The following MYL12B variants were observed in gnomAD, a reference collection of about 807,000 sequenced individuals.
The protein encoded by MYL12B is myosin light chain 12B, also known as myosin regulatory light chain 12B.
A neutral mutation model predicts 12.9 loss-of-function variants in MYL12B; 3 were observed. The ratio of observed to expected loss-of-function variants is 0.23; its 90% CI spans 0.11 to 0.60. The LOEUF (loss-of-function observed/expected upper bound fraction) is 0.60, where lower values mean the gene tolerates loss of function less well. Ranked by LOEUF, MYL12B falls within the 20% of genes least tolerant of loss-of-function variation. MYL12B has a pLI of 0.89. For synonymous variants in MYL12B, 57 were observed against 71.9 expected, an observed-to-expected ratio of 0.79 and a Z score of 1.05; for missense variants, 120 against 215.4, an observed-to-expected ratio of 0.56 and a Z score of 2.77.
Position 3,277,384 on chromosome 18 carries a change from G to T in MYL12B, c.316G>T (p.Ala106Ser), listed in dbSNP as rs1325723338. Reference protein sequence around the residue: ...GTDPEDVIRNAFACFDEEATG... With the variant: ...GTDPEDVIRNSFACFDEEATG... ...AGATCCTGAAGATGTCATCAGAAAC[G>T]CCTTTGCTTGCTTTGATGAAGAAGC... The change falls in exon 3 of 4, where the codon GCC (alanine) becomes TCC (serine). Residue 106 changes from alanine (A) to serine (S), a missense_variant. Physicochemically the swap from Ala to Ser is moderately conservative, Grantham distance 99 (BLOSUM62 1). Coordinates refer to ENST00000237500, the MANE Select transcript of MYL12B (RefSeq NM_033546.4). The T allele has an allele frequency of 6.2e-7, 1 of 1,614,012 alleles. No homozygotes were observed.
chr18:3,272,219 A>G (rs2081685006), intron 1 of MYL12B: 1 of 948,222 alleles, frequency 1.1e-6, no homozygotes, highest in East Asian at 1.2e-4. Flanking sequence ...AGTTCTTTGC[A>G]TTGAAGTAGA....
At chr18:3,271,066 A>G (rs1406023160) in intron 1 of MYL12B, among the ~76,000 whole-genome samples, 1 of 152,230 alleles carries the variant, frequency 6.6e-6, no homozygotes, top group Non-Finnish European at 1.5e-5. Flanking sequence ...GAGAGAACTA[A>G]TAATTTTTGC....
chr18:3,277,011 G>A, intron 2 of MYL12B: 2 of 981,812 alleles, frequency 2.0e-6, no homozygotes, highest in Non-Finnish European at 2.4e-6. Flanking sequence ...ATAATGAACA[G>A]AAAGTTCACA....
Position 3,262,196 on chromosome 18 carries a change from G to A in MYL12B, c.-57G>A, listed in dbSNP as rs1244697235. On this transcript the variant is annotated 5_prime_UTR_variant, in exon 1 of 4. Transcript: ENST00000237500. ...CCTAACGCTCTTCGCTGTCGTTTGT[G>A]GTCTCGCGCAGGGCGGCCCCGGTTC... The A allele has an allele frequency of 6.6e-6, 1 of 152,182 alleles. No homozygotes were observed. Among genetic ancestry groups the A allele is most frequent in the African/African-American group, 2.4e-5 (1 of 41,456 alleles). The allele number at this position is 152,182 out of a possible 1,614,324, so 9.4% of individuals were successfully genotyped here.
intron 1 of MYL12B, among the ~76,000 whole-genome samples, chr18:3,267,810 T>C (rs1630702): frequency 0.58 from 87,681 of 151,994 alleles, 28,401 homozygotes; most frequent in Non-Finnish European, 0.72. Context: ...CTGCAGAGGG[T>C]TGGTTCCAGG....
rs200286627 is a variant in MYL12B, at chr18:3,269,302, CGA to C, written c.-15-3578_-15-3577del. Among the ~76,000 whole-genome samples, 789 of 152,096 alleles carry C rather than the reference CGA, an allele frequency of 5.2e-3. 4 individuals carry two copies. The highest frequency in any genetic ancestry group is 7.1e-3 in the Non-Finnish European group (483 of 67,994). ...AAACTAAGGGTAGTTTTGAGAGAGCCGAGAGGCAAGGGGATAGTGAAGAGGCC... is the reference window on the plus strand; with the variant it reads ...AAACTAAGGGTAGTTTTGAGAGAGCCGAGGCAAGGGGATAGTGAAGAGGCC... On this transcript the variant is annotated intron_variant, in intron 1 of 3. Coordinates refer to ENST00000237500, the MANE Select transcript of MYL12B (RefSeq NM_033546.4).
At chr18:3,273,424 G>T (rs1035084244) in intron 2 of MYL12B, among the ~76,000 whole-genome samples, 10 of 152,162 alleles carry the variant, frequency 6.6e-5, no homozygotes, top group Non-Finnish European at 1.0e-4. Context: ...TTGAGTACAG[G>T]TTATAAACAA....
intron 1 of MYL12B, among the ~76,000 whole-genome samples, chr18:3,263,632 G>C (rs562764714): frequency 6.6e-6 from 1 of 152,218 alleles, no homozygotes; most frequent in Non-Finnish European, 1.5e-5. Context: ...TTAGAGCCCC[G>C]ACATGGGGCT....
chr18:3,263,540 A>G (rs1737368822), intron 1 of MYL12B, among the ~76,000 whole-genome samples: 1 of 152,206 alleles, frequency 6.6e-6, no homozygotes, highest in Non-Finnish European at 1.5e-5. Flanking sequence ...CTTTGATGAA[A>G]CTAAGCTTGA....
intron 1 of MYL12B, among the ~76,000 whole-genome samples, chr18:3,265,831 G>A (rs1470273866): frequency 1.2e-4 from 18 of 152,044 alleles, no homozygotes; most frequent in Admixed American, 1.2e-3. Flanking sequence ...GGTGGTGGTG[G>A]GAATGTTGAG....
chr18:3,277,481 G>A, intron 3 of MYL12B, 67 bp downstream of exon 3: 1 of 1,539,936 alleles, frequency 6.5e-7, no homozygotes, highest in Non-Finnish European at 8.7e-7. Flanking sequence ...GAAATAGAAG[G>A]GGTTTTCTTT....
intron 2 of MYL12B, among the ~76,000 whole-genome samples, chr18:3,273,507 A>G (rs2081700241): frequency 6.6e-6 from 1 of 151,042 alleles, no homozygotes; most frequent in Non-Finnish European, 1.5e-5. Flanking sequence ...AACACAGTGA[A>G]GAAGACTTTC....
At position 3,278,128 on chromosome 18, in the gene MYL12B, G is replaced by T. The variant is rs886572848; in HGVS notation, c.*191G>T. 3.1e-5 allele frequency: 16 copies of T among 510,284 alleles called. No homozygotes were observed. Among genetic ancestry groups the T allele is most frequent in the African/African-American group, 3.0e-4 (15 of 49,938 alleles). The allele number at this position is 510,284 out of a possible 1,614,324, so 31.6% of individuals were successfully genotyped here. ...AATCAGACTGGAAATGGGGATGAGGGTGTAAATTGTATTGAAAAAGATCGC... is the reference window on the plus strand; with the variant it reads ...AATCAGACTGGAAATGGGGATGAGGTTGTAAATTGTATTGAAAAAGATCGC... On this transcript the variant is annotated 3_prime_UTR_variant, in exon 4 of 4. Coordinates refer to ENST00000237500, the MANE Select transcript of MYL12B (RefSeq NM_033546.4).
intron 2 of MYL12B, among the ~76,000 whole-genome samples, chr18:3,273,801 C>T (rs1487853914): frequency 1.3e-5 from 2 of 150,322 alleles, no homozygotes; most frequent in African/African-American, 4.9e-5. Context: ...ACTTTGCGCT[C>T]TGTCCTCCTG....
chr18:3,266,734 T>A (rs564961337), intron 1 of MYL12B, among the ~76,000 whole-genome samples: 2 of 152,338 alleles, frequency 1.3e-5, no homozygotes, highest in South Asian at 4.1e-4. Context: ...AATGTTCAGT[T>A]TTTTTTAAAT....
chr18:3,268,177 A>G (rs1334661348), intron 1 of MYL12B, among the ~76,000 whole-genome samples: 1 of 152,226 alleles, frequency 6.6e-6, no homozygotes, highest in Non-Finnish European at 1.5e-5. Context: ...TGCTGTATCA[A>G]TTCCTACATG....
rs530522947 is a variant in MYL12B, at chr18:3,268,076, A to G, written c.-15-4808A>G. On this transcript the variant is annotated intron_variant, in intron 1 of 3. Transcript: ENST00000237500. Reference sequence around the variant, plus strand: ...ATCTGTGAGTGCGGAACCTGTGGATATGGAGGGCTAACTGTATGGGTTGGG... The same window carrying G: ...ATCTGTGAGTGCGGAACCTGTGGATGTGGAGGGCTAACTGTATGGGTTGGG... 1.5e-3 allele frequency among the ~76,000 whole-genome samples: 230 copies of G among 152,348 alleles called. 4 individuals are homozygous for G. In the South Asian group the frequency reaches 0.032, roughly 21 times the overall value.
At position 3,272,793 on chromosome 18, in the gene MYL12B, T is replaced by A. The variant is rs1598808781; in HGVS notation, c.-15-91T>A. 12 of 1,155,822 alleles carry A rather than the reference T, an allele frequency of 1.0e-5. No individual in the cohort carries two copies. The Admixed American group carries it at 1.1e-4, about 11-fold the overall frequency. The allele number at this position is 1,155,822 out of a possible 1,614,324, so 71.6% of individuals were successfully genotyped here. ...AGTAATAATTCCTTATTGATATTTT[T>A]ACCTACAGACTTTAGGTATTATGTA... On this transcript the variant is annotated intron_variant, in intron 1 of 3. Coordinates refer to ENST00000237500, the MANE Select transcript of MYL12B (RefSeq NM_033546.4).
rs532886030 is a variant in MYL12B, at chr18:3,277,700, A to G, written c.347-65A>G. 2.2e-3 allele frequency: 3,349 copies of G among 1,532,742 alleles called. 81 individuals carry two copies. The South Asian group carries it at 0.031, about 14-fold the overall frequency. 94.9% of individuals were successfully genotyped at this position (1,532,742 alleles called of 1,614,324 possible). On this transcript the variant is annotated intron_variant, in intron 3 of 3. Transcript: ENST00000237500. ...ATATTTTATACGATTGACAAGCTTT[A>G]GGAATGAACCATCAAAGTGCCAGGA...
Sources: allele counts gnomAD v4.1 joint callset (sites outside exome capture counted in the v4.1 genomes callset), GRCh38; gene constraint gnomAD v4.1.1; transcripts MANE v1.5; gene names NCBI Gene and HGNC (gene_info 2026-07-23, HGNC 2026-07-21).